The following DOC2A variants were observed in gnomAD, a reference collection of about 807,000 sequenced individuals.
DOC2A encodes double C2-like domain-containing protein alpha.
A neutral mutation model predicts 40.6 loss-of-function variants in DOC2A; 28 were observed. That is an observed-to-expected ratio of 0.69 (90% CI 0.51 to 0.95). The LOEUF (loss-of-function observed/expected upper bound fraction) is 0.95. Ranked by LOEUF, DOC2A falls within the 40% of genes least tolerant of loss-of-function variation. The pLI is 0.00. For synonymous variants in DOC2A, 241 were observed against 236.9 expected (o/e 1.02, Z -0.16); for missense variants, 474 against 552.5 (o/e 0.86, Z 1.42).
At chr16:30,008,828 G>A (rs1170278663) in intron 5 of DOC2A, 168 bp downstream of exon 5, 4 of 627,000 alleles carry the variant, frequency 6.4e-6, no homozygotes, top group Non-Finnish European at 1.2e-5. Context: ...TGAGGGGCAG[G>A]AATGGCAGGG....
At position 30,005,563 on chromosome 16, in the gene DOC2A, C is replaced by G. The variant is rs2070548197; in HGVS notation, c.*623G>C. 1.0e-6 allele frequency: 1 copy of G among 991,296 alleles called. No individual in the cohort carries two copies. The highest frequency in any genetic ancestry group is 1.5e-6 in the Non-Finnish European group (1 of 660,520). The allele number at this position is 991,296 out of a possible 1,614,324, so 61.4% of individuals were successfully genotyped here. A position where few individuals can be genotyped will look rare whatever the true frequency, so the allele number is the denominator to read the frequency against. ...CCAGCTGCCATGCTCCGGCCACTGA[C>G]ACAACCAGAAAAGGCGTAAACATGC... On this transcript the variant is annotated 3_prime_UTR_variant, in exon 11 of 11. Transcript: ENST00000350119.
chr16:30,008,360 GA>G (rs1371894017), intron 5 of DOC2A: 1 of 157,232 alleles, frequency 6.4e-6, no homozygotes, highest in Admixed American at 6.1e-5. Flanking sequence ...ACGTTTTTGG[GA>G]GGGGGCAGAG....
Position 30,017,962 on chromosome 16 carries a change from GAA to G in DOC2A, c.-376+3219_-376+3220del, listed in dbSNP as rs113271952. The stretch of plus-strand genomic sequence containing the variant: ...GCAACAGAGTGGGACTCTGTCTCCG[GAA>G]AAAAAAAAAAAAAAGAAAGAAAAGA... On this transcript the variant is annotated intron_variant, in intron 1 of 5. Transcript: ENST00000574405. Among the ~76,000 whole-genome samples the G allele has an allele frequency of 4.7e-3, 435 of 92,678 alleles. 4 individuals carry two copies. The highest frequency in any genetic ancestry group is 0.013 in the African/African-American group (372 of 28,904). The allele number at this position is 92,678 out of a possible 152,430, so 60.8% of individuals were successfully genotyped here.
At position 30,006,969 on chromosome 16, in the gene DOC2A, G is replaced by A. The variant is rs567193566; in HGVS notation, c.715-21C>T. On this transcript the variant is annotated intron_variant, in intron 7 of 10. Transcript: ENST00000350119. This position sits in a 1 kb window ranked among gnomAD's most constrained non-coding sequence, Gnocchi z 6.2. ...TCCAACTGCGGGGCACAGACTCAGGGTCAGCCTGGGCCCCTGCAGCCTCCC... is the reference window on the plus strand; with the variant it reads ...TCCAACTGCGGGGCACAGACTCAGGATCAGCCTGGGCCCCTGCAGCCTCCC... 25 of 1,613,770 alleles carry A rather than the reference G, an allele frequency of 1.5e-5. 2 individuals carry two copies. In the South Asian group the frequency reaches 2.4e-4, roughly 16 times the overall value.
intron 5 of DOC2A, 65 bp from the exon 6 acceptor site, chr16:30,007,364 G>T: frequency 8.1e-6 from 13 of 1,609,844 alleles, no homozygotes; most frequent in Non-Finnish European, 1.0e-5. Flanking sequence ...GTGTAGGAAG[G>T]GCCTTGGACC....
intron 1 of DOC2A, chr16:30,021,077 CCTT>C (rs2070903017): frequency 1.3e-5 from 2 of 152,394 alleles, no homozygotes; most frequent in Admixed American, 1.3e-4. Flanking sequence ...TCGTTTCCCT[CCTT>C]CCCCACCCCC....
chr16:30,009,223 G>C lies in DOC2A; in HGVS notation c.396C>G (p.His132Gln). Residue 132 changes from histidine (H) to glutamine (Q), a missense_variant, in exon 4 of 11, where the codon CAC (histidine) becomes CAG (glutamine). Coordinates refer to ENST00000350119, the MANE Select transcript of DOC2A (RefSeq NM_003586.3). This position sits in a 1 kb window ranked among gnomAD's most constrained non-coding sequence, Gnocchi z 4.1. ...NGLADPYVKLHLLPGACKANK... is the reference protein window; with the variant it reads ...NGLADPYVKLQLLPGACKANK... Reference sequence around the variant, plus strand: ...TTACCTTACAGGCTCCAGGCAGCAAGTGCAGCTTGACGTAGGGGTCGGCGA... The same window carrying C: ...TTACCTTACAGGCTCCAGGCAGCAACTGCAGCTTGACGTAGGGGTCGGCGA... 6.3e-7 allele frequency: 1 copy of C among 1,585,664 alleles called. No individual in the cohort carries two copies. The highest frequency in any genetic ancestry group is 8.6e-7 in the Non-Finnish European group (1 of 1,164,728).
chr16:30,008,495 G>A lies in DOC2A; in HGVS notation c.527+501C>T, dbSNP rs188289833. ...GTTGGAAGAAGGGAGTCCTCTGTTT[G>A]AGGGGCAGAAGATACTTTTGTTTTG... On this transcript the variant is annotated intron_variant, in intron 5 of 10. Transcript: ENST00000350119. The A allele has an allele frequency of 5.6e-4, 96 of 171,332 alleles. 1 individual carries two copies. Among genetic ancestry groups the A allele is most frequent in the Non-Finnish European group, 5.2e-4 (41 of 78,448 alleles). The allele number at this position is 171,332 out of a possible 1,614,324, so 10.6% of individuals were successfully genotyped here.
intron 1 of DOC2A, among the ~76,000 whole-genome samples, chr16:30,020,185 A>C (rs1297254608): frequency 6.6e-6 from 1 of 152,120 alleles, no homozygotes; most frequent in African/African-American, 2.4e-5. Flanking sequence ...CTGGGATTAT[A>C]GGTGTGAGCC....
chr16:30,013,245 A>G (rs980302708), upstream of DOC2A, among the ~76,000 whole-genome samples: 5 of 139,812 alleles, frequency 3.6e-5, no homozygotes, highest in Non-Finnish European at 3.1e-5. Flanking sequence ...AGGTGGGAGG[A>G]TCTCTCTTCT....
chr16:30,006,124 T>C lies in DOC2A; in HGVS notation c.*62A>G. ...CACCCTGTGTAAACGTGCAACACAC[T>C]CGTGCGAAGGTTGGGTACTGGACCC... On this transcript the variant is annotated 3_prime_UTR_variant, in exon 11 of 11. Transcript: ENST00000350119. The surrounding 1 kb of genome is among the most constrained non-coding windows in gnomAD (Gnocchi z 6.2). The C allele has an allele frequency of 6.6e-7, 1 of 1,520,672 alleles. No homozygotes were observed. The highest frequency in any genetic ancestry group is 8.9e-7 in the Non-Finnish European group (1 of 1,128,716). The allele number at this position is 1,520,672 out of a possible 1,614,324, so 94.2% of individuals were successfully genotyped here. A position where few individuals can be genotyped will look rare whatever the true frequency, so the allele number is the denominator to read the frequency against.
chr16:30,009,640 G>C lies in DOC2A; in HGVS notation c.263-83C>G, dbSNP rs1327087126. On this transcript the variant is annotated intron_variant, in intron 2 of 10. Coordinates refer to ENST00000350119, the MANE Select transcript of DOC2A (RefSeq NM_003586.3). This position sits in a 1 kb window ranked among gnomAD's most constrained non-coding sequence, Gnocchi z 4.1. ...CAGCAGGTGGGCACTGGCTCTGTGT[G>C]TCTCTCTCTCTTGCCAGCCCGCGAG... 9 of 1,260,978 alleles carry C rather than the reference G, an allele frequency of 7.1e-6. No individual in the cohort carries two copies. Among genetic ancestry groups the C allele is most frequent in the African/African-American group, 1.5e-5 (1 of 67,372 alleles). The allele number at this position is 1,260,978 out of a possible 1,614,324, so 78.1% of individuals were successfully genotyped here.
At position 30,006,402 on chromosome 16, in the gene DOC2A, T is replaced by G; in HGVS notation, c.1057+11A>C. ...CCCGCCCTCAACACCCGCAGCCAGC[T>G]CCTCCCTCACCAATGAAGTCATTGG... On this transcript the variant is annotated intron_variant, in intron 10 of 10. Coordinates refer to ENST00000350119, the MANE Select transcript of DOC2A (RefSeq NM_003586.3). The surrounding 1 kb of genome is among the most constrained non-coding windows in gnomAD (Gnocchi z 6.2). 5 of 1,612,800 alleles carry G rather than the reference T, an allele frequency of 3.1e-6. No homozygotes were observed. Among genetic ancestry groups the G allele is most frequent in the Non-Finnish European group, 4.2e-6 (5 of 1,179,812 alleles).
upstream of DOC2A, chr16:30,013,622 A>AATAAAAAAAAATAAAT (rs1186474493): frequency 7.8e-5 from 11 of 141,602 alleles, no homozygotes; most frequent in South Asian, 2.2e-4. Context: ...AAAAAAAAAA[A>AATAAAAAAAAATAAAT]AAAAATCCTT....
upstream of DOC2A, among the ~76,000 whole-genome samples, chr16:30,014,043 C>G (rs953975819): frequency 2.6e-5 from 4 of 151,836 alleles, no homozygotes; most frequent in Non-Finnish European, 4.4e-5. Context: ...AAATGTAGCA[C>G]GTTCCAAAAG....
At chr16:30,022,688 C>T (rs757382916), upstream of DOC2A, among the ~76,000 whole-genome samples, 11 of 151,582 alleles carry the variant, frequency 7.3e-5, no homozygotes, top group African/African-American at 1.2e-4. Context: ...ATAGGCCGGG[C>T]GCTTTGGGAG....
Position 30,009,848 on chromosome 16 carries a change from C to G in DOC2A, c.262+113G>C. The G allele has an allele frequency of 8.5e-6, 9 of 1,057,632 alleles. No homozygotes were observed. Among genetic ancestry groups the G allele is most frequent in the Non-Finnish European group, 1.3e-5 (9 of 697,888 alleles). 65.5% of individuals were successfully genotyped at this position (1,057,632 alleles called of 1,614,324 possible). On this transcript the variant is annotated intron_variant, in intron 2 of 10. Coordinates refer to ENST00000350119, the MANE Select transcript of DOC2A (RefSeq NM_003586.3). The surrounding 1 kb of genome is among the most constrained non-coding windows in gnomAD (Gnocchi z 4.1). ...GGCCGTCCCTGCCACCCCCCCACTGCCCTCCTCCCCTACCTACATGCACAG... is the reference window on the plus strand; with the variant it reads ...GGCCGTCCCTGCCACCCCCCCACTGGCCTCCTCCCCTACCTACATGCACAG...
At chr16:30,017,060 C>T (rs1016050209), upstream of DOC2A, among the ~76,000 whole-genome samples, 4 of 151,944 alleles carry the variant, frequency 2.6e-5, no homozygotes, top group Admixed American at 6.6e-5. Flanking sequence ...GTCCAGAGTA[C>T]GGCATATTCA....
chr16:30,013,850 G>C (rs962897107), upstream of DOC2A, among the ~76,000 whole-genome samples: 1 of 151,942 alleles, frequency 6.6e-6, no homozygotes, highest in Non-Finnish European at 1.5e-5. Context: ...AAGTAGCTGG[G>C]ATTACAGGGG....
Sources: gnomAD v4.1 joint callset for allele counts (sites outside exome capture counted in the v4.1 genomes callset) on GRCh38, gnomAD v4.1.1 for gene constraint, Gnocchi (gnomAD v3.1) non-coding constraint, MANE v1.5 for transcripts, NCBI Gene and HGNC (gene_info 2026-07-23, HGNC 2026-07-21) for gene names.